The following TMEM164 variants were observed in gnomAD, a reference collection of about 807,000 sequenced individuals.
TMEM164 encodes transmembrane protein 164, also known as RP13-360B22.2.
A neutral mutation model predicts 18.8 loss-of-function variants in TMEM164; 4 were observed. That is an observed-to-expected ratio of 0.21 (90% CI 0.10 to 0.49). TMEM164 has a LOEUF of 0.49. TMEM164 is among the 20% of genes least tolerant of loss of function. TMEM164 has a pLI of 0.98. For synonymous variants in TMEM164, 86 were observed against 101.7 expected, an observed-to-expected ratio of 0.85 and a Z score of 0.93; for missense variants, 108 against 239.9, an observed-to-expected ratio of 0.45 and a Z score of 3.63.
At chrX:110,109,330 C>T (rs747687292) in intron 4 of TMEM164, among the ~76,000 whole-genome samples, 184 bp downstream of exon 4, 15 of 111,589 alleles carry the variant, frequency 1.3e-4, no homozygotes, top group African/African-American at 3.9e-4. Flanking sequence ...CCAGTCTGGC[C>T]GACATGGTGA....
chrX:110,074,950 T>C (rs943852552), intron 3 of TMEM164, among the ~76,000 whole-genome samples: 1 of 112,043 alleles, frequency 8.9e-6, no homozygotes, highest in Non-Finnish European at 1.9e-5. Context: ...GGCTGTTTTT[T>C]GGTTATCTAT....
chrX:110,120,952 C>CT (rs1283943284), intron 4 of TMEM164, among the ~76,000 whole-genome samples: 52 of 112,185 alleles, frequency 4.6e-4, no homozygotes, highest in African/African-American at 1.2e-3. Flanking sequence ...CTGCCACTGG[C>CT]TGGGGCTTGG....
intron 3 of TMEM164, among the ~76,000 whole-genome samples, chrX:110,107,135 G>T (rs1412367013): frequency 8.9e-6 from 1 of 112,205 alleles, no homozygotes; most frequent in African/African-American, 3.2e-5. Context: ...CTAAAAGGAG[G>T]GAAAGAGGAA....
intron 3 of TMEM164, among the ~76,000 whole-genome samples, chrX:110,092,744 C>G (rs769069134): frequency 1.3e-4 from 15 of 111,949 alleles, no homozygotes; most frequent in Admixed American, 8.5e-4. Context: ...TTCCAACACT[C>G]TGTTGAATAG....
At position 110,051,593 on chromosome X, in the gene TMEM164, A is replaced by AAAAAGAAAG. The variant is rs1555991740; in HGVS notation, c.391-15751_391-15750insAGAAAGAAA. On this transcript the variant is annotated intron_variant, in intron 2 of 6. Coordinates refer to ENST00000372068, the MANE Select transcript of TMEM164 (RefSeq NM_032227.4). ...GAGGTAACTTTCTTTCAAAAAAAAA[A>AAAAAGAAAG]AAAGAAAGAAAGAAAGAAAGAAAGA... 3.7e-3 allele frequency among the ~76,000 whole-genome samples: 384 copies of AAAAAGAAAG among 102,976 alleles called. 1 individual carries two copies. The highest frequency in any genetic ancestry group is 0.012 in the African/African-American group (349 of 28,902). The allele number at this position is 102,976 out of a possible 115,157, so 89.4% of individuals were successfully genotyped here. A position where few individuals can be genotyped will look rare whatever the true frequency, so the allele number is the denominator to read the frequency against.
At chrX:110,112,077 C>T (rs767761371) in intron 4 of TMEM164, among the ~76,000 whole-genome samples, 73 of 110,826 alleles carry the variant, frequency 6.6e-4, no homozygotes, top group Non-Finnish European at 1.3e-3. Context: ...AGCCTGGTGG[C>T]TCACACCTGT....
intron 3 of TMEM164, among the ~76,000 whole-genome samples, chrX:110,095,744 T>C (rs1044467243): frequency 8.9e-6 from 1 of 112,551 alleles, no homozygotes; most frequent in South Asian, 3.6e-4. Context: ...CTATGTTCCT[T>C]TGGAGGAGAA....
chrX:110,158,790 C>T (rs770066218), intron 5 of TMEM164, among the ~76,000 whole-genome samples: 10 of 111,878 alleles, frequency 8.9e-5, no homozygotes, highest in African/African-American at 1.9e-4. Context: ...ATGTGCACGA[C>T]GAAATACACA....
chrX:110,152,778 CAAT>C (rs1169797004), intron 5 of TMEM164, among the ~76,000 whole-genome samples: 1 of 111,474 alleles, frequency 9.0e-6, no homozygotes, highest in Non-Finnish European at 1.9e-5. Context: ...TCTCTTCCCT[CAAT>C]GATGATAATT....
chrX:110,042,003 T>A (rs1935115304), intron 2 of TMEM164, among the ~76,000 whole-genome samples: 1 of 112,102 alleles, frequency 8.9e-6, no homozygotes, highest in South Asian at 3.7e-4. Flanking sequence ...ATACTACATT[T>A]AAAAAAATTA....
intron 5 of TMEM164, among the ~76,000 whole-genome samples, chrX:110,152,537 T>C (rs2066958359): frequency 8.9e-6 from 1 of 111,893 alleles, no homozygotes; most frequent in South Asian, 3.7e-4. Flanking sequence ...GAATATATCC[T>C]GATATACAGT....
chrX:110,041,162 G>A (rs1602518141), intron 2 of TMEM164, among the ~76,000 whole-genome samples: 1 of 111,992 alleles, frequency 8.9e-6, no homozygotes, highest in East Asian at 2.8e-4. Flanking sequence ...ATTGATCTGA[G>A]CCAATTTGAT....
intron 5 of TMEM164, among the ~76,000 whole-genome samples, chrX:110,170,614 A>G (rs2067217711): frequency 8.9e-6 from 1 of 111,826 alleles, no homozygotes; most frequent in African/African-American, 3.3e-5. Flanking sequence ...ATTCTCCAAG[A>G]TGTGGAATAT....
chrX:110,138,821 T>C (rs1429793157), intron 4 of TMEM164, among the ~76,000 whole-genome samples: 1 of 112,184 alleles, frequency 8.9e-6, no homozygotes, highest in Non-Finnish European at 1.9e-5. Context: ...GGTTGAGCCT[T>C]GGCAGAAGAA....
intron 4 of TMEM164, among the ~76,000 whole-genome samples, chrX:110,128,614 A>G (rs2066568765): frequency 1.8e-5 from 2 of 111,519 alleles, no homozygotes; most frequent in African/African-American, 6.5e-5. Flanking sequence ...TATAACTTCA[A>G]ACTCTGCCTC....
chrX:110,053,521 T>A (rs1347544704), intron 2 of TMEM164, among the ~76,000 whole-genome samples: 1 of 111,372 alleles, frequency 9.0e-6, no homozygotes, highest in Non-Finnish European at 1.9e-5. Context: ...TACTTTCTTT[T>A]AAAAAAAATA....
At chrX:110,090,854 C>T (rs1428843677) in intron 3 of TMEM164, among the ~76,000 whole-genome samples, 1 of 108,923 alleles carries the variant, frequency 9.2e-6, no homozygotes, top group East Asian at 2.9e-4. Flanking sequence ...GCTATCCCTC[C>T]CCCAGCCCCC....
intron 3 of TMEM164, among the ~76,000 whole-genome samples, chrX:110,095,374 G>A (rs985200379): frequency 2.0e-4 from 22 of 111,547 alleles, no homozygotes; most frequent in Non-Finnish European, 3.6e-4. Flanking sequence ...GGCTTTGTTC[G>A]TTTCTTTTTA....
intron 3 of TMEM164, among the ~76,000 whole-genome samples, chrX:110,072,296 CAAAAAAAAAA>C (rs56056315): frequency 2.2e-5 from 1 of 46,319 alleles, no homozygotes; most frequent in African/African-American, 8.5e-5. Flanking sequence ...GACTCCATCT[CAAAAAAAAAA>C]AAAAAAAAAA....
Sources: gnomAD v4.1 joint callset for allele counts (sites outside exome capture counted in the v4.1 genomes callset) on GRCh38, gnomAD v4.1.1 for gene constraint, MANE v1.5 for transcripts, NCBI Gene and HGNC (gene_info 2026-07-23, HGNC 2026-07-21) for gene names.